The following LYPLAL1 variants were observed in gnomAD, a reference collection of about 807,000 sequenced individuals.
LYPLAL1 encodes the protein lysophospholipase like 1.
In LYPLAL1, 23 loss-of-function variants were observed where a neutral mutation model predicts 19.7. The observed-to-expected ratio is 1.17, with a 90% CI of 0.84 to 1.65. The LOEUF (loss-of-function observed/expected upper bound fraction) is 1.65, where lower values mean the gene tolerates loss of function less well. Among genes scored for constraint, LYPLAL1 ranks in the 40% most tolerant of loss-of-function variants. LYPLAL1 has a pLI of 0.00. For synonymous variants in LYPLAL1, 119 were observed against 96.3 expected (o/e 1.24, Z -1.38); for missense variants, 355 against 279.4 (o/e 1.27, Z -1.93).
At chr1:219,204,579 G>A (rs553748596) in intron 3 of LYPLAL1, among the ~76,000 whole-genome samples, 1 of 152,306 alleles carries the variant, frequency 6.6e-6, no homozygotes, top group East Asian at 1.9e-4. Flanking sequence ...TATTGCACTG[G>A]ATAGTTTTAA....
the LYPLAL1 span, among the ~76,000 whole-genome samples, chr1:219,356,053 G>A: frequency 0.84 from 127,233 of 152,074 alleles, 54,041 homozygotes; most frequent in East Asian, 0.97. Flanking sequence ...TGTATCTGTC[G>A]TATTTACCCC....
the LYPLAL1 span, among the ~76,000 whole-genome samples, chr1:219,417,618 G>C: frequency 6.6e-6 from 1 of 152,200 alleles, no homozygotes; most frequent in Admixed American, 6.5e-5. Context: ...TCCTGAATCA[G>C]TTCAATCTCA....
the LYPLAL1 span, among the ~76,000 whole-genome samples, chr1:219,278,965 T>C: frequency 6.6e-6 from 1 of 151,918 alleles, no homozygotes; most frequent in Non-Finnish European, 1.5e-5. Flanking sequence ...GCAGTAGGGG[T>C]AGGGGGATGG....
At chr1:219,218,016 T>C in the LYPLAL1 span, among the ~76,000 whole-genome samples, 3 of 152,016 alleles carry the variant, frequency 2.0e-5, no homozygotes, top group Admixed American at 2.0e-4. Flanking sequence ...CTTGAAGTTT[T>C]ATAACAGGCT....
the LYPLAL1 span, among the ~76,000 whole-genome samples, chr1:219,264,833 CAGAGGAAA>C: frequency 6.6e-6 from 1 of 152,182 alleles, no homozygotes; most frequent in Non-Finnish European, 1.5e-5. Context: ...TACAACAACT[CAGAGGAAA>C]AAGCTGGAAA....
intron 3 of LYPLAL1, among the ~76,000 whole-genome samples, chr1:219,208,716 CAAT>C (rs1250496903): frequency 4.0e-5 from 6 of 151,846 alleles, no homozygotes; most frequent in Non-Finnish European, 8.8e-5. Flanking sequence ...AATTTATATT[CAAT>C]AAATTAAATC....
At chr1:219,249,114 G>A in the LYPLAL1 span, among the ~76,000 whole-genome samples, 204 of 152,004 alleles carry the variant, frequency 1.3e-3, no homozygotes, top group African/African-American at 4.1e-3. Flanking sequence ...AAACCATCAC[G>A]TAGCTAAAGA....
chr1:219,217,071 T>A (rs1659315954), downstream of LYPLAL1, among the ~76,000 whole-genome samples: 1 of 152,172 alleles, frequency 6.6e-6, no homozygotes, highest in Non-Finnish European at 1.5e-5. Context: ...AAGACTCAAC[T>A]CATGCAGTGC....
At chr1:219,281,207 T>C in the LYPLAL1 span, among the ~76,000 whole-genome samples, 1 of 152,322 alleles carries the variant, frequency 6.6e-6, no homozygotes, top group East Asian at 1.9e-4. Flanking sequence ...AAAGTATCTT[T>C]TCCTTTGGCA....
the LYPLAL1 span, chr1:219,222,137 A>G: frequency 3.3e-5 from 5 of 150,140 alleles, no homozygotes; most frequent in Non-Finnish European, 7.4e-5. Flanking sequence ...ATGTTGTCCT[A>G]TATCAAATCA....
At chr1:219,220,811 A>G in the LYPLAL1 span, among the ~76,000 whole-genome samples, 39 of 152,344 alleles carry the variant, frequency 2.6e-4, no homozygotes, top group Non-Finnish European at 4.7e-4. Context: ...TTATTGTCAG[A>G]TACCAAGTGG....
intron 3 of LYPLAL1, among the ~76,000 whole-genome samples, chr1:219,197,381 G>A (rs1657689364): frequency 6.6e-6 from 1 of 152,126 alleles, no homozygotes; most frequent in Admixed American, 6.5e-5. Context: ...GTGGGGAAAG[G>A]ATTCCCTATT....
intron 1 of LYPLAL1, among the ~76,000 whole-genome samples, chr1:219,176,320 TATGTA>T (rs963294409): frequency 2.4e-4 from 36 of 152,212 alleles, no homozygotes; most frequent in African/African-American, 8.7e-4. Context: ...TACTTGTAAT[TATGTA>T]ATGTAATGTC....
chr1:219,346,253 G>A, the LYPLAL1 span, among the ~76,000 whole-genome samples: 1 of 152,040 alleles, frequency 6.6e-6, no homozygotes, highest in Non-Finnish European at 1.5e-5. Context: ...ACTATGTGTG[G>A]GAAAACAGGA....
chr1:219,241,098 ATCTCTCTCTCTCTC>A, the LYPLAL1 span, among the ~76,000 whole-genome samples: 2 of 59,228 alleles, frequency 3.4e-5, no homozygotes, highest in Admixed American at 2.4e-4. Flanking sequence ...AATATATATA[ATCTCTCTCTCTCTC>A]TCTCTCTCTC....
chr1:219,270,127 G>C, the LYPLAL1 span, among the ~76,000 whole-genome samples: 1 of 152,220 alleles, frequency 6.6e-6, no homozygotes, highest in African/African-American at 2.4e-5. Flanking sequence ...GCAGTGGTGT[G>C]ACACCAAAGT....
chr1:219,291,092 A>G, the LYPLAL1 span, among the ~76,000 whole-genome samples: 3 of 152,362 alleles, frequency 2.0e-5, no homozygotes, highest in South Asian at 4.1e-4. Context: ...GTAAGCTTCT[A>G]TAAAGTGCCT....
Position 219,211,476 on chromosome 1 carries a change from G to T in LYPLAL1, c.478-16G>T. 6.8e-7 allele frequency: 1 copy of T among 1,462,458 alleles called. No homozygotes were observed. Among genetic ancestry groups the T allele is most frequent in the Non-Finnish European group, 9.4e-7 (1 of 1,067,148 alleles). 90.6% of individuals were successfully genotyped at this position (1,462,458 alleles called of 1,614,324 possible). On this transcript the variant is annotated splice_polypyrimidine_tract_variant and intron_variant, in intron 4 of 4. Coordinates refer to ENST00000366928, the MANE Select transcript of LYPLAL1 (RefSeq NM_138794.5). ...GAATTTCTTAAACTTTTCTGTCTTT[G>T]TATCTTCTTCTCTAGGCTCTTCAGA...
the LYPLAL1 span, among the ~76,000 whole-genome samples, chr1:219,362,556 A>T: frequency 6.6e-6 from 1 of 152,170 alleles, no homozygotes; most frequent in Non-Finnish European, 1.5e-5. Context: ...AGGATAAAGT[A>T]AACTTGCCAC....
Sources: allele counts gnomAD v4.1 joint callset (sites outside exome capture counted in the v4.1 genomes callset), GRCh38; gene constraint gnomAD v4.1.1; transcripts MANE v1.5; gene names NCBI Gene and HGNC (gene_info 2026-07-23, HGNC 2026-07-21).